The following RREB1 variants were observed in gnomAD, a reference collection of about 807,000 sequenced individuals.
RREB1 encodes ras responsive element binding protein 1.
In RREB1, 27 loss-of-function variants were observed where a neutral mutation model predicts 117.8. That is an observed-to-expected ratio of 0.23 (90% CI 0.17 to 0.32). The LOEUF is 0.32. Among genes scored for constraint, RREB1 ranks in the 10% least tolerant of loss-of-function variants. RREB1 has a pLI of 1.00. For missense variants in RREB1, 2,577 were observed against 2,378.2 expected, an observed-to-expected ratio of 1.08 and a Z score of -1.74; for synonymous variants, 1,298 against 1,026.7, an observed-to-expected ratio of 1.26 and a Z score of -5.05.
intron 1 of RREB1, among the ~76,000 whole-genome samples, chr6:7,141,120 C>G (rs1261203652): frequency 2.0e-5 from 3 of 152,170 alleles, no homozygotes; most frequent in African/African-American, 7.2e-5. Context: ...GCTCCACGGC[C>G]GCAGGGGCCC....
At chr6:7,232,310 C>T (rs138830040) in intron 10 of RREB1, among the ~76,000 whole-genome samples, 4 of 152,254 alleles carry the variant, frequency 2.6e-5, no homozygotes, top group South Asian at 2.1e-4. Context: ...ATAATGAGCT[C>T]GGTGCTTTGA....
At chr6:7,117,344 G>C (rs1735173606) in intron 1 of RREB1, among the ~76,000 whole-genome samples, 3 of 149,182 alleles carry the variant, frequency 2.0e-5, no homozygotes, top group Admixed American at 2.0e-4. Context: ...AAGATGGGGT[G>C]GGTGTTCTGA....
At chr6:7,123,811 C>A (rs1431047039) in intron 1 of RREB1, among the ~76,000 whole-genome samples, 2 of 151,994 alleles carry the variant, frequency 1.3e-5, no homozygotes, top group Non-Finnish European at 2.9e-5. Context: ...TGGGGTTTCA[C>A]TGTGTTAGCC....
chr6:7,134,986 G>C (rs1762291017), intron 1 of RREB1, among the ~76,000 whole-genome samples: 1 of 152,154 alleles, frequency 6.6e-6, no homozygotes, highest in Admixed American at 6.6e-5. Flanking sequence ...GAATTCTATT[G>C]GGAAAGAGAA....
At position 7,246,678 on chromosome 6, in the gene RREB1, G is replaced by T. The variant is rs745869467; in HGVS notation, c.4228G>T (p.Ala1410Ser). The T allele has an allele frequency of 2.5e-6, 4 of 1,582,418 alleles. No homozygotes were observed. The highest frequency in any genetic ancestry group is 1.2e-5 in the South Asian group (1 of 86,594). ...TGDADGAEED[A>S]SSNQSLDLDF... ...GGACGCCGACGGCGCGGAAGAGGAC[G>T]CGTCGAGCAACCAGAGCCTGGACCT... Residue 1410 changes from alanine to serine, a missense_variant, in exon 12 of 13, where the codon GCG (alanine) becomes TCG (serine). Ala to Ser is a moderately conservative substitution (Grantham distance 99, BLOSUM62 1). Transcript: ENST00000379938.
chr6:7,134,196 A>G (rs983657309), intron 1 of RREB1, among the ~76,000 whole-genome samples: 2 of 152,250 alleles, frequency 1.3e-5, no homozygotes, highest in Admixed American at 1.3e-4. Flanking sequence ...TATTTTAAAG[A>G]GAAAAATACT....
At chr6:7,210,648 A>G (rs1766527439) in intron 6 of RREB1, among the ~76,000 whole-genome samples, 156 bp from the exon 7 acceptor site, 1 of 152,266 alleles carries the variant, frequency 6.6e-6, no homozygotes. Flanking sequence ...AGGAGATTAT[A>G]GAGTTTTAAA....
At chr6:7,185,326 TC>T (rs1311905750) in intron 4 of RREB1, 6 of 152,306 alleles carry the variant, frequency 3.9e-5, no homozygotes, top group African/African-American at 1.2e-4. Flanking sequence ...TCCCAGCACT[TC>T]GGGAAGCTGA....
intron 1 of RREB1, among the ~76,000 whole-genome samples, chr6:7,132,723 G>T (rs1413096199): frequency 6.6e-6 from 1 of 151,880 alleles, no homozygotes; most frequent in Non-Finnish European, 1.5e-5. Context: ...TTTTTTACAG[G>T]TATAAAATGG....
At chr6:7,227,215 G>A (rs918850845) in intron 9 of RREB1, among the ~76,000 whole-genome samples, 9 of 150,714 alleles carry the variant, frequency 6.0e-5, no homozygotes, top group South Asian at 4.2e-4. Context: ...GCACTCCAGC[G>A]TGGGTGGCAG....
intron 6 of RREB1, among the ~76,000 whole-genome samples, chr6:7,202,969 G>A (rs1766069226): frequency 6.6e-6 from 1 of 152,178 alleles, no homozygotes; most frequent in South Asian, 2.1e-4. Context: ...TGTGGATTTT[G>A]TAAATAGATA....
chr6:7,121,253 C>G (rs1197935821), intron 1 of RREB1, among the ~76,000 whole-genome samples: 1 of 152,170 alleles, frequency 6.6e-6, no homozygotes, highest in Non-Finnish European at 1.5e-5. Flanking sequence ...AGCTACCACA[C>G]CTGGCCTAGA....
intron 5 of RREB1, 198 bp downstream of exon 5, chr6:7,187,721 A>G (rs1175676537): frequency 7.0e-6 from 2 of 287,768 alleles, no homozygotes; most frequent in African/African-American, 2.2e-5. Flanking sequence ...TTCCTTAAGC[A>G]CAGGGCAGGG....
intron 6 of RREB1, among the ~76,000 whole-genome samples, chr6:7,209,152 A>G (rs1766439007): frequency 6.6e-6 from 1 of 152,272 alleles, no homozygotes. Context: ...ATTGTGTCAT[A>G]TGATTCAAAA....
intron 1 of RREB1, among the ~76,000 whole-genome samples, chr6:7,123,487 G>C (rs1023686278): frequency 2.7e-5 from 4 of 150,798 alleles, no homozygotes; most frequent in African/African-American, 9.8e-5. Flanking sequence ...TTTACATAAA[G>C]CTCCTGAGGA....
At chr6:7,238,535 C>T (rs1256695258) in intron 10 of RREB1, among the ~76,000 whole-genome samples, 2 of 152,178 alleles carry the variant, frequency 1.3e-5, no homozygotes, top group African/African-American at 2.4e-5. Flanking sequence ...CCGCACATGA[C>T]CACAAGAAGT....
Position 7,246,561 on chromosome 6 carries a change from G to GCGGAAACGGCCTCGC in RREB1, c.4115_4129dup (p.Glu1372_Pro1376dup), listed in dbSNP as rs1321029690. 2 of 1,548,820 alleles carry GCGGAAACGGCCTCGC rather than the reference G, an allele frequency of 1.3e-6. No homozygotes were observed. The highest frequency in any genetic ancestry group is 2.7e-5 in the African/African-American group (2 of 73,234). ...GGATGCGCCTGTGGAGCAGGCCACG[G>GCGGAAACGGCCTCGC]CGGAAACGGCCTCGCCGGTGCACCG... is the stretch of plus-strand genomic sequence containing the variant. On this transcript the variant is annotated inframe_insertion, in exon 12 of 13. Coordinates refer to ENST00000379938, the MANE Select transcript of RREB1 (RefSeq NM_001003699.4).
Position 7,248,855 on chromosome 6 carries a change from C to G in RREB1, c.5116C>G (p.Pro1706Ala), listed in dbSNP as rs762021349. ...TGAGCCTGGCCAGGGTGACCTTAAC[C>G]CAGAGAGCCCGGCGGCCCTGGGGCA... is the stretch of plus-strand genomic sequence containing the variant. ...PSEPGQGDLNPESPAALGQDL... is the reference protein window; with the variant it reads ...PSEPGQGDLNAESPAALGQDL... Residue 1706 changes from proline (P) to alanine (A), a missense_variant, in exon 13 of 13, where the codon CCA becomes GCA. By Grantham distance (27) the Pro-to-Ala change is conservative. Coordinates refer to ENST00000379938, the MANE Select transcript of RREB1 (RefSeq NM_001003699.4). 1.6e-5 allele frequency: 26 copies of G among 1,605,886 alleles called. No homozygotes were observed. The highest frequency in any genetic ancestry group is 2.7e-5 in the African/African-American group (2 of 74,756).
chr6:7,211,338 AGATGGATG>A (rs555086914), intron 7 of RREB1, among the ~76,000 whole-genome samples: 226 of 118,668 alleles, frequency 1.9e-3, no homozygotes, highest in African/African-American at 4.7e-3. Context: ...ATGGATGGAC[AGATGGATG>A]GATGGATGGA....
Sources: gnomAD v4.1 joint callset for allele counts (sites outside exome capture counted in the v4.1 genomes callset) on GRCh38, gnomAD v4.1.1 for gene constraint, MANE v1.5 for transcripts, NCBI Gene and HGNC (gene_info 2026-07-23, HGNC 2026-07-21) for gene names.